The following IGF2BP1 variants were observed in gnomAD, a reference collection of about 807,000 sequenced individuals.
The protein encoded by IGF2BP1 is insulin-like growth factor 2 mRNA-binding protein 1.
In IGF2BP1, 11 loss-of-function variants were observed where a neutral mutation model predicts 74.9. The ratio of observed to expected loss-of-function variants is 0.15; its 90% CI spans 0.09 to 0.24. The LOEUF is 0.24. IGF2BP1 is among the 10% of genes least tolerant of loss of function. The pLI is 1.00. For missense variants in IGF2BP1, 440 were observed against 757.4 expected, an observed-to-expected ratio of 0.58 and a Z score of 4.92; for synonymous variants, 287 against 281.8, an observed-to-expected ratio of 1.02 and a Z score of -0.18.
intron 3 of IGF2BP1, among the ~76,000 whole-genome samples, chr17:49,026,074 C>G (rs2041850096): frequency 6.6e-6 from 1 of 151,998 alleles, no homozygotes; most frequent in Non-Finnish European, 1.5e-5. Context: ...AGGCTGGTCT[C>G]AAACGCCTGA....
At position 49,045,927 on chromosome 17, in the gene IGF2BP1, A is replaced by G. The variant is rs1296498386; in HGVS notation, c.1433A>G (p.Asn478Ser). 1.9e-6 allele frequency: 3 copies of G among 1,613,952 alleles called. No individual in the cohort carries two copies. The African/African-American group carries it at 4.0e-5, about 22-fold the overall frequency. ...ATCTATGGCAAACTCAAGGAGGAGA[A>G]CTTCTTTGGTCCCAAGGAGGAAGTG... is the stretch of plus-strand genomic sequence containing the variant. ...GRIYGKLKEE[N>S]FFGPKEEVKL... The change falls in exon 13 of 15, where the codon AAC becomes AGC. Residue 478 changes from asparagine (N) to serine (S), a missense_variant. Physicochemically the swap from Asn to Ser is conservative, Grantham distance 46 (BLOSUM62 1). Transcript: ENST00000290341.
rs1421532246 is a variant in IGF2BP1, at chr17:49,049,516, G to A, written c.*72G>A. The A allele has an allele frequency of 3.0e-6, 4 of 1,328,614 alleles. No individual in the cohort carries two copies. The highest frequency in any genetic ancestry group is 3.2e-6 in the Non-Finnish European group (3 of 936,688). The allele number at this position is 1,328,614 out of a possible 1,614,324, so 82.3% of individuals were successfully genotyped here. ...ATCGAGAGTGTGCTCTCCCCGGCAGGCCTGAGAATGAGTGGGAATCCGGGA... is the reference window on the plus strand; with the variant it reads ...ATCGAGAGTGTGCTCTCCCCGGCAGACCTGAGAATGAGTGGGAATCCGGGA... On this transcript the variant is annotated 3_prime_UTR_variant, in exon 15 of 15. Coordinates refer to ENST00000290341, the MANE Select transcript of IGF2BP1 (RefSeq NM_006546.4).
intron 5 of IGF2BP1, among the ~76,000 whole-genome samples, chr17:49,035,668 G>A (rs1002748646): frequency 6.6e-6 from 1 of 152,214 alleles, no homozygotes; most frequent in Non-Finnish European, 1.5e-5. Context: ...GAACGGGGAT[G>A]CCTTGCCCTC....
At position 49,045,683 on chromosome 17, in the gene IGF2BP1, A is replaced by C. The variant is rs180845997; in HGVS notation, c.1396-207A>C. Among the ~76,000 whole-genome samples the C allele has an allele frequency of 2.6e-4, 40 of 152,306 alleles. 1 individual carries two copies. Among genetic ancestry groups the C allele is most frequent in the African/African-American group, 7.5e-4 (31 of 41,564 alleles). ...TACTCATAACTCATAATCTCCACCC[A>C]GGGTCTCCAGTATGATAGCTAAGCA... On this transcript the variant is annotated intron_variant, in intron 12 of 14. Transcript: ENST00000290341.
chr17:48,999,213 G>A (rs758179451), intron 2 of IGF2BP1, 44 bp downstream of exon 2: 1 of 968,712 alleles, frequency 1.0e-6, no homozygotes, highest in Admixed American at 1.8e-5. Flanking sequence ...GGCCGCGGGG[G>A]TGTGCTGTGA....
At chr17:49,010,155 C>G (rs2041599193) in intron 2 of IGF2BP1, among the ~76,000 whole-genome samples, 1 of 152,090 alleles carries the variant, frequency 6.6e-6, no homozygotes, top group South Asian at 2.1e-4. Context: ...ATCGCTAGAA[C>G]TCTTCATCTT....
chr17:49,040,563 C>T (rs2042039757), intron 7 of IGF2BP1, among the ~76,000 whole-genome samples: 1 of 152,224 alleles, frequency 6.6e-6, no homozygotes, highest in Non-Finnish European at 1.5e-5. Context: ...TGTGCACTCA[C>T]AGGTGTGTGT....
chr17:49,046,319 T>A lies in IGF2BP1; in HGVS notation c.1587T>A (p.Pro529=). The A allele has an allele frequency of 6.2e-7, 1 of 1,614,140 alleles. No individual in the cohort carries two copies. The highest frequency in any genetic ancestry group is 8.5e-7 in the Non-Finnish European group (1 of 1,180,022). ...TGGTAGTACCAAGAGACCAGACCCC[T>A]GATGAGAACGACCAGGTCATCGTGA... is the stretch of plus-strand genomic sequence containing the variant. ...AEVVVPRDQT[P]DENDQVIVKI... The change falls in exon 14 of 15, where the codon CCT becomes CCA. Residue 529 remains proline (P), a synonymous_variant. Transcript: ENST00000290341.
chr17:49,045,916 C>T lies in IGF2BP1; in HGVS notation c.1422C>T (p.Leu474=). The change falls in exon 13 of 15, where the codon CTC becomes CTT. Residue 474 remains leucine, a synonymous_variant. Transcript: ENST00000290341. ...CTCAGGGAAGAATCTATGGCAAACTCAAGGAGGAGAACTTCTTTGGTCCCA... is the reference window on the plus strand; with the variant it reads ...CTCAGGGAAGAATCTATGGCAAACTTAAGGAGGAGAACTTCTTTGGTCCCA... ...FKAQGRIYGK[L]KEENFFGPKE... 1 of 1,614,022 alleles carries T rather than the reference C, an allele frequency of 6.2e-7. No individual in the cohort carries two copies. Among genetic ancestry groups the T allele is most frequent in the Non-Finnish European group, 8.5e-7 (1 of 1,179,938 alleles).
At chr17:49,016,722 A>G (rs2041708291) in intron 2 of IGF2BP1, among the ~76,000 whole-genome samples, 1 of 151,560 alleles carries the variant, frequency 6.6e-6, no homozygotes, top group Non-Finnish European at 1.5e-5. Flanking sequence ...GCCCAGTCCC[A>G]CATCTCCCAG....
intron 2 of IGF2BP1, among the ~76,000 whole-genome samples, chr17:49,006,876 CAG>C (rs748905379): frequency 5.9e-5 from 9 of 152,164 alleles, no homozygotes; most frequent in African/African-American, 2.2e-4. Flanking sequence ...TTCTCTGAGA[CAG>C]AGGCTTGGAG....
intron 13 of IGF2BP1, 53 bp from the exon 14 acceptor site, chr17:49,046,206 AC>A: frequency 6.6e-7 from 1 of 1,525,296 alleles, no homozygotes; most frequent in Admixed American, 1.7e-5. Flanking sequence ...CCTCCCTCCA[AC>A]CCCACCCATG....
At chr17:49,034,368 CTT>C (rs1013525571) in intron 5 of IGF2BP1, among the ~76,000 whole-genome samples, 39 of 151,702 alleles carry the variant, frequency 2.6e-4, no homozygotes, top group African/African-American at 8.9e-4. Context: ...ATCCGCCCAC[CTT>C]GGCCTCCCAA....
intron 2 of IGF2BP1, among the ~76,000 whole-genome samples, chr17:49,022,970 C>G (rs934486609): frequency 1.3e-5 from 2 of 152,242 alleles, no homozygotes; most frequent in African/African-American, 2.4e-5. Flanking sequence ...GGGCCTGGGC[C>G]GAAGCAATAC....
chr17:48,999,543 G>C (rs1182126591), intron 2 of IGF2BP1, among the ~76,000 whole-genome samples: 1 of 151,908 alleles, frequency 6.6e-6, no homozygotes, highest in Non-Finnish European at 1.5e-5. Context: ...CTGCAACTTC[G>C]TAGCAGGCCT....
At chr17:48,998,207 G>A (rs2041432975) in intron 1 of IGF2BP1, among the ~76,000 whole-genome samples, 1 of 152,150 alleles carries the variant, frequency 6.6e-6, no homozygotes, top group Non-Finnish European at 1.5e-5. Context: ...AGCCCCCACT[G>A]GCAGTAGTGG....
intron 4 of IGF2BP1, among the ~76,000 whole-genome samples, chr17:49,031,563 T>A (rs1598148204): frequency 6.6e-6 from 1 of 151,560 alleles, no homozygotes; most frequent in East Asian, 1.9e-4. Flanking sequence ...AGTGGCATGA[T>A]CTGGGCTCAC....
At chr17:49,040,668 C>T (rs2042041802) in intron 7 of IGF2BP1, among the ~76,000 whole-genome samples, 3 of 152,216 alleles carry the variant, frequency 2.0e-5, no homozygotes, top group African/African-American at 7.2e-5. Context: ...GAGAGAATCA[C>T]ACTGAACAGG....
In IGF2BP1 at chr17:49,030,575, A is replaced by G. The variant is rs565614631; in HGVS notation, c.338-1335A>G. On this transcript the variant is annotated intron_variant, in intron 4 of 14. Coordinates refer to ENST00000290341, the MANE Select transcript of IGF2BP1 (RefSeq NM_006546.4). The stretch of plus-strand genomic sequence containing the variant: ...GCCATTTCTTGGGATGTTTACTTCT[A>G]TAAATTGCTAATCTCATTCAGCGTG... Among the ~76,000 whole-genome samples the G allele has an allele frequency of 5.4e-4, 82 of 151,930 alleles. 3 individuals carry two copies. In the South Asian group the frequency reaches 0.017, roughly 31 times the overall value.
Sources: allele counts gnomAD v4.1 joint callset (sites outside exome capture counted in the v4.1 genomes callset), GRCh38; gene constraint gnomAD v4.1.1; transcripts MANE v1.5; gene names NCBI Gene and HGNC (gene_info 2026-07-23, HGNC 2026-07-21).